The following DPYSL2 variants were observed in gnomAD, a reference collection of about 807,000 sequenced individuals.
DPYSL2 encodes the protein dihydropyrimidinase-related protein 2.
A neutral mutation model predicts 69.9 loss-of-function variants in DPYSL2; 13 were observed. The ratio of observed to expected loss-of-function variants is 0.19; its 90% confidence interval spans 0.12 to 0.30. The LOEUF (loss-of-function observed/expected upper bound fraction) is 0.30. DPYSL2 is among the 10% of genes least tolerant of loss of function. The pLI is 1.00. For synonymous variants in DPYSL2, 326 were observed against 359.1 expected, an observed-to-expected ratio of 0.91 and a Z score of 1.04; for missense variants, 587 against 918.9, an observed-to-expected ratio of 0.64 and a Z score of 4.67.
At position 26,529,083 on chromosome 8, in the gene DPYSL2, G is replaced by A. The variant is rs548028764; in HGVS notation, c.354+14404G>A. ...TATCTCTAGGAATTGGTTAGCTTGG[G>A]AGGTGCAGTCTCTCCAGGATCGGCA... On this transcript the variant is annotated intron_variant, in intron 1 of 13. Coordinates refer to ENST00000521913, the MANE Select transcript of DPYSL2 (RefSeq NM_001197293.3). 2.6e-5 allele frequency among the ~76,000 whole-genome samples: 4 copies of A among 152,272 alleles called. 1 individual carries two copies. The highest frequency in any genetic ancestry group is 9.6e-5 in the African/African-American group (4 of 41,548).
rs1365570775 is a variant in DPYSL2, at chr8:26,627,323, T to G, written c.936+28T>G. 4 of 1,610,388 alleles carry G rather than the reference T, an allele frequency of 2.5e-6. No individual in the cohort carries two copies. The East Asian group carries it at 8.9e-5, about 36-fold the overall frequency. ...ACAGGGCTTTCTTTTTCGTCATTTCTTCATCACCTGGAGGGTGAGAGGCAG... is the reference window on the plus strand; with the variant it reads ...ACAGGGCTTTCTTTTTCGTCATTTCGTCATCACCTGGAGGGTGAGAGGCAG... On this transcript the variant is annotated intron_variant, in intron 6 of 13. Transcript: ENST00000521913. The surrounding 1 kb of genome is among the most constrained non-coding windows in gnomAD (Gnocchi z 6.9).
At chr8:26,554,617 A>G (rs540231577) in intron 1 of DPYSL2, among the ~76,000 whole-genome samples, 1 of 152,218 alleles carries the variant, frequency 6.6e-6, no homozygotes, top group South Asian at 2.1e-4. Flanking sequence ...ATGGTGTTGT[A>G]TAGGTTGTAT....
intron 1 of DPYSL2, among the ~76,000 whole-genome samples, chr8:26,549,709 G>C (rs543536059): frequency 6.4e-4 from 97 of 152,346 alleles, no homozygotes; most frequent in African/African-American, 2.3e-3. Flanking sequence ...AGCAAGGATA[G>C]TGTTATACCG....
At chr8:26,622,228 A>T (rs554191421) in intron 3 of DPYSL2, among the ~76,000 whole-genome samples, 32 of 150,426 alleles carry the variant, frequency 2.1e-4, no homozygotes, top group African/African-American at 7.6e-4. Context: ...CATACAACTT[A>T]AGAAGAAAAA....
chr8:26,596,414 A>G (rs1801862158), intron 3 of DPYSL2, among the ~76,000 whole-genome samples: 1 of 152,218 alleles, frequency 6.6e-6, no homozygotes, highest in Non-Finnish European at 1.5e-5. Context: ...AAAGGACACA[A>G]GGACACGTGT....
intron 2 of DPYSL2, among the ~76,000 whole-genome samples, chr8:26,583,494 T>A (rs1490939914): frequency 6.6e-6 from 1 of 152,252 alleles, no homozygotes; most frequent in East Asian, 1.9e-4. Flanking sequence ...AAAGAAAGTT[T>A]AATGACAGTT....
At chr8:26,555,726 A>G (rs561764972) in intron 1 of DPYSL2, among the ~76,000 whole-genome samples, 65 of 151,518 alleles carry the variant, frequency 4.3e-4, no homozygotes, top group African/African-American at 1.5e-3. Context: ...CTCTACAAAA[A>G]AATACAAAAA....
intron 1 of DPYSL2, among the ~76,000 whole-genome samples, chr8:26,556,192 T>C (rs1200088959): frequency 1.0e-3 from 9 of 9,022 alleles, no homozygotes; most frequent in Non-Finnish European, 1.5e-3. Flanking sequence ...ACTATATATA[T>C]TATATATACT....
chr8:26,577,186 C>A (rs1432576741), intron 1 of DPYSL2: 1 of 443,806 alleles, frequency 2.3e-6, no homozygotes. Context: ...CGCCTCCACG[C>A]GGGCCAGATC....
chr8:26,617,287 G>A lies in DPYSL2; in HGVS notation c.629-6856G>A, dbSNP rs531168619. ...CTATAGTGAGTTTTAAAAAGAAAAA[G>A]TTCCAGCCTGGGCAGCATAGCGAGA... is the stretch of plus-strand genomic sequence containing the variant. On this transcript the variant is annotated intron_variant, in intron 3 of 13. Transcript: ENST00000521913. The surrounding 1 kb of genome is among the most constrained non-coding windows in gnomAD (Gnocchi z 4.7). 2.0e-3 allele frequency among the ~76,000 whole-genome samples: 308 copies of A among 152,262 alleles called. 1 individual carries two copies. Among genetic ancestry groups the A allele is most frequent in the African/African-American group, 7.0e-3 (290 of 41,544 alleles).
intron 1 of DPYSL2, among the ~76,000 whole-genome samples, chr8:26,526,312 CT>C (rs1321946906): frequency 3.9e-5 from 6 of 152,260 alleles, no homozygotes; most frequent in African/African-American, 1.4e-4. Flanking sequence ...CCAGGATGGT[CT>C]CCATTTCCTG....
rs1197369671 is a variant in DPYSL2 at position 26,582,366 on chromosome 8, T to TA, written c.443+312dup. Among the ~76,000 whole-genome samples, 2 of 152,222 alleles carry TA rather than the reference T, an allele frequency of 1.3e-5. No homozygotes were observed. Among genetic ancestry groups the TA allele is most frequent in the Non-Finnish European group, 2.9e-5 (2 of 68,038 alleles). On this transcript the variant is annotated intron_variant, in intron 2 of 13. Coordinates refer to ENST00000521913, the MANE Select transcript of DPYSL2 (RefSeq NM_001197293.3). This position sits in a 1 kb window ranked among gnomAD's most constrained non-coding sequence, Gnocchi z 4.1. ...TTGGTTTGTGATATGTTGAATATAT[T>TA]AAAGTTTTGCCTAGAATGTCATTGT...
rs760065356 is a variant in DPYSL2 at position 26,580,048 on chromosome 8, T to G, written c.355-1921T>G. ...CTCCCTCACCACTGGCAGCCTCTTATGTAAGAGCCTTCTGGAAGGCACTAG... is the reference window on the plus strand; with the variant it reads ...CTCCCTCACCACTGGCAGCCTCTTAGGTAAGAGCCTTCTGGAAGGCACTAG... On this transcript the variant is annotated intron_variant, in intron 1 of 13. Coordinates refer to ENST00000521913, the MANE Select transcript of DPYSL2 (RefSeq NM_001197293.3). This position sits in a 1 kb window ranked among gnomAD's most constrained non-coding sequence, Gnocchi z 4.1. Among the ~76,000 whole-genome samples the G allele has an allele frequency of 6.6e-6, 1 of 151,358 alleles. No individual in the cohort carries two copies. Among genetic ancestry groups the G allele is most frequent in the Admixed American group, 6.6e-5 (1 of 15,180 alleles).
chr8:26,616,529 A>G (rs145324293), intron 3 of DPYSL2, among the ~76,000 whole-genome samples: 1 of 152,330 alleles, frequency 6.6e-6, no homozygotes, highest in East Asian at 1.9e-4. Context: ...CACACATTGA[A>G]AAGCAGGGAA....
intron 7 of DPYSL2, among the ~76,000 whole-genome samples, chr8:26,634,378 C>T (rs996663252): frequency 6.7e-6 from 1 of 148,792 alleles, no homozygotes; most frequent in Admixed American, 6.7e-5. Flanking sequence ...GATTCTCCTG[C>T]CTTATACTCC....
At position 26,517,274 on chromosome 8, in the gene DPYSL2, A is replaced by G. The variant is rs1808308645; in HGVS notation, c.354+2595A>G. 6.6e-6 allele frequency among the ~76,000 whole-genome samples: 1 copy of G among 152,198 alleles called. No individual in the cohort carries two copies. Among genetic ancestry groups the G allele is most frequent in the South Asian group, 2.1e-4 (1 of 4,828 alleles). ...CCACATGCCACATGGCTCATGGAAG[A>G]TGAGAGATGTTGGACATGTGCATTT... On this transcript the variant is annotated intron_variant, in intron 1 of 13. Coordinates refer to ENST00000521913, the MANE Select transcript of DPYSL2 (RefSeq NM_001197293.3). This position sits in a 1 kb window ranked among gnomAD's most constrained non-coding sequence, Gnocchi z 4.2.
chr8:26,524,171 G>A (rs973231223), intron 1 of DPYSL2, among the ~76,000 whole-genome samples: 2 of 152,060 alleles, frequency 1.3e-5, no homozygotes, highest in African/African-American at 2.4e-5. Context: ...CCACATCCTC[G>A]CCTATACTTA....
chr8:26,589,176 C>A (rs1359461505), intron 3 of DPYSL2, among the ~76,000 whole-genome samples: 4 of 152,228 alleles, frequency 2.6e-5, no homozygotes, highest in African/African-American at 9.6e-5. Flanking sequence ...GTCATCTCAG[C>A]CAGGGATGCC....
Position 26,642,660 on chromosome 8 carries a change from G to T in DPYSL2, c.1127-779G>T, listed in dbSNP as rs947148093. ...GTATTGGCATTCAGCGAATGTACAT[G>T]AGTCTCAACTTTCTGGTTTACATCT... On this transcript the variant is annotated intron_variant, in intron 8 of 13. Transcript: ENST00000521913. The surrounding 1 kb of genome is among the most constrained non-coding windows in gnomAD (Gnocchi z 5.3). Among the ~76,000 whole-genome samples, 1 of 152,212 alleles carries T rather than the reference G, an allele frequency of 6.6e-6. No homozygotes were observed. The highest frequency in any genetic ancestry group is 1.5e-5 in the Non-Finnish European group (1 of 68,044).
Sources: allele counts gnomAD v4.1 joint callset (sites outside exome capture counted in the v4.1 genomes callset), GRCh38; gene constraint gnomAD v4.1.1; non-coding constraint Gnocchi (gnomAD v3.1); transcripts MANE v1.5; gene names NCBI Gene and HGNC (gene_info 2026-07-23, HGNC 2026-07-21).